FGF1: variants seen among roughly 807,000 people sequenced by gnomAD.
FGF1 encodes the protein beta-endothelial cell growth factor.
In FGF1, 9 loss-of-function variants were observed where a neutral mutation model predicts 13.4. The ratio of observed to expected loss-of-function variants is 0.67; its 90% CI spans 0.40 to 1.17. The LOEUF is 1.17. FGF1 is among the 50% of genes most tolerant of loss of function. The pLI is 0.01. For synonymous variants in FGF1, 93 were observed against 79.0 expected (o/e 1.18, Z -0.94); for missense variants, 156 against 192.7 (o/e 0.81, Z 1.13).
At chr5:142,689,694 G>GTT (rs5871823), upstream of FGF1, among the ~76,000 whole-genome samples, 3,530 of 115,426 alleles carry the variant, frequency 0.031, 262 homozygotes, top group East Asian at 0.18. Flanking sequence ...CTCGATCCTA[G>GTT]TTTTTTTTTT....
At chr5:142,697,522 G>T (rs1200275134) in intron 2 of FGF1, 2 of 152,494 alleles carry the variant, frequency 1.3e-5, no homozygotes, top group African/African-American at 4.8e-5. Context: ...AGGAGAACAG[G>T]AAGGCGGGGG....
At position 142,602,261 on chromosome 5, in the gene FGF1, C is replaced by CT. The variant is rs1353297452; in HGVS notation, c.170-1457dup. On this transcript the variant is annotated intron_variant, in intron 2 of 3. Transcript: ENST00000337706. ...GCGCGATCTCGGCTCACTGCAAGCT[C>CT]TGCCTCCCGGGTTCAAGCAATTCTC... Among the ~76,000 whole-genome samples the CT allele has an allele frequency of 2.0e-5, 3 of 152,004 alleles. No homozygotes were observed. The East Asian group carries it at 5.8e-4, about 29-fold the overall frequency.
intron 1 of FGF1, chr5:142,621,222 T>C (rs1054360966): frequency 2.6e-5 from 4 of 152,404 alleles, no homozygotes; most frequent in Non-Finnish European, 5.9e-5. Context: ...CTCTCATCAT[T>C]TGACCCCTTC....
chr5:142,612,724 G>A (rs74895771), intron 2 of FGF1, among the ~76,000 whole-genome samples: 2,797 of 151,762 alleles, frequency 0.018, 46 homozygotes, highest in East Asian at 0.048. Flanking sequence ...AGCTAATTCT[G>A]CAGCTGCAAG....
chr5:142,611,510 C>G (rs114918797), intron 2 of FGF1, among the ~76,000 whole-genome samples: 2,078 of 152,264 alleles, frequency 0.014, 45 homozygotes, highest in African/African-American at 0.047. Context: ...AAGCTTCTTT[C>G]GCAGAGTTTG....
At chr5:142,689,700 T>TA (rs1329353672), upstream of FGF1, among the ~76,000 whole-genome samples, 1 of 147,784 alleles carries the variant, frequency 6.8e-6, no homozygotes, top group South Asian at 2.2e-4. Context: ...CCTAGTTTTT[T>TA]TTTTTTTTTT....
At chr5:142,639,402 A>G (rs1764795234) in intron 1 of FGF1, among the ~76,000 whole-genome samples, 1 of 152,052 alleles carries the variant, frequency 6.6e-6, no homozygotes, top group African/African-American at 2.4e-5. Flanking sequence ...AAAGAGGAAA[A>G]TCCTGTCATT....
At chr5:142,629,051 C>A (rs968887120) in intron 1 of FGF1, among the ~76,000 whole-genome samples, 2 of 152,158 alleles carry the variant, frequency 1.3e-5, no homozygotes, top group Admixed American at 6.5e-5. Flanking sequence ...TACTCTTGAA[C>A]CCTCAGTGGT....
intron 1 of FGF1, among the ~76,000 whole-genome samples, chr5:142,684,140 C>T (rs17216804): frequency 0.037 from 5,575 of 152,290 alleles, 135 homozygotes; most frequent in Middle Eastern, 0.095. Context: ...TAACAGCAGT[C>T]CCAAGATCCT....
intron 1 of FGF1, among the ~76,000 whole-genome samples, chr5:142,653,236 A>G (rs1161640549): frequency 1.3e-5 from 2 of 152,110 alleles, no homozygotes; most frequent in Non-Finnish European, 2.9e-5. Context: ...GTCCTCCTCC[A>G]CCAGCTCAAC....
intron 1 of FGF1, among the ~76,000 whole-genome samples, chr5:142,629,893 A>ATTTTTTTT (rs1229121020): frequency 1.7e-5 from 2 of 120,088 alleles, no homozygotes. Context: ...ATATATATAT[A>ATTTTTTTT]TATTTTTTTT....
At chr5:142,633,440 G>T (rs1435712463) in intron 1 of FGF1, among the ~76,000 whole-genome samples, 3 of 152,218 alleles carry the variant, frequency 2.0e-5, no homozygotes, top group African/African-American at 4.8e-5. Flanking sequence ...AGGTAGAAGA[G>T]AAATTAATGT....
intron 1 of FGF1, among the ~76,000 whole-genome samples, chr5:142,677,501 G>A (rs901467324): frequency 2.0e-5 from 3 of 152,186 alleles, no homozygotes; most frequent in African/African-American, 7.2e-5. Context: ...ACACTAAGCC[G>A]ACTAAGCCAG....
At chr5:142,626,614 G>A (rs993471399) in intron 1 of FGF1, 11 of 152,206 alleles carry the variant, frequency 7.2e-5, no homozygotes, top group African/African-American at 2.7e-4. Context: ...TGTTCTAAAG[G>A]AGATATCTGT....
intron 1 of FGF1, among the ~76,000 whole-genome samples, chr5:142,645,989 A>G (rs1472523614): frequency 6.6e-6 from 1 of 152,070 alleles, no homozygotes; most frequent in Admixed American, 6.6e-5. Flanking sequence ...GCTCATTGCA[A>G]GCTCTGCCTC....
At chr5:142,672,420 A>G in intron 1 of FGF1, among the ~76,000 whole-genome samples, 1 of 152,022 alleles carries the variant, frequency 6.6e-6, no homozygotes, top group Admixed American at 6.5e-5. Flanking sequence ...AAAAAAAACT[A>G]CATGAAATAC....
At chr5:142,605,273 G>C (rs1597069439) in intron 2 of FGF1, among the ~76,000 whole-genome samples, 1 of 123,246 alleles carries the variant, frequency 8.1e-6, no homozygotes, top group South Asian at 2.7e-4. Context: ...TGCCTGGCTA[G>C]TTTTTTTTTT....
intron 1 of FGF1, among the ~76,000 whole-genome samples, chr5:142,660,055 A>G (rs556347043): frequency 7.4e-4 from 112 of 152,340 alleles, no homozygotes; most frequent in African/African-American, 2.7e-3. Flanking sequence ...TAAACAGGCC[A>G]TGGGCAGTGT....
At chr5:142,652,752 T>G (rs1320111657) in intron 1 of FGF1, among the ~76,000 whole-genome samples, 1 of 152,202 alleles carries the variant, frequency 6.6e-6, no homozygotes, top group South Asian at 2.1e-4. Flanking sequence ...AGTGGGTGCC[T>G]CGGCGGTGGC....
Sources: allele counts gnomAD v4.1 joint callset (sites outside exome capture counted in the v4.1 genomes callset), GRCh38; gene constraint gnomAD v4.1.1; transcripts MANE v1.5; gene names NCBI Gene and HGNC (gene_info 2026-07-23, HGNC 2026-07-21).